Variants in ADIPOR2 observed in about 807,000 individuals in gnomAD.
ADIPOR2 encodes adiponectin receptor protein 2.
Under a neutral mutation model 40.9 loss-of-function variants are expected in ADIPOR2, and 18 were observed. The observed-to-expected ratio is 0.44, with a 90% CI of 0.30 to 0.65. The LOEUF (loss-of-function observed/expected upper bound fraction) is 0.65. ADIPOR2 is among the 30% of genes least tolerant of loss of function. The pLI is 0.09. For synonymous variants in ADIPOR2, 165 were observed against 166.4 expected (o/e 0.99, Z 0.06); for missense variants, 283 against 479.2 (o/e 0.59, Z 3.82).
At chr12:1,724,047 T>A (rs1321667646) in intron 1 of ADIPOR2, among the ~76,000 whole-genome samples, 1 of 151,912 alleles carries the variant, frequency 6.6e-6, no homozygotes, top group African/African-American at 2.4e-5. Context: ...AATGGTGTGA[T>A]CTTGGCTCAC....
At chr12:1,777,527 C>T (rs1862623305) in intron 3 of ADIPOR2, among the ~76,000 whole-genome samples, 1 of 151,848 alleles carries the variant, frequency 6.6e-6, no homozygotes, top group East Asian at 1.9e-4. Flanking sequence ...GGTGGGATTA[C>T]AGGCATGTGC....
At chr12:1,704,628 T>C (rs1233664484) in intron 1 of ADIPOR2, among the ~76,000 whole-genome samples, 5 of 152,190 alleles carry the variant, frequency 3.3e-5, no homozygotes, top group African/African-American at 7.2e-5. Context: ...ATACTAACGT[T>C]TGAGACTTTT....
chr12:1,760,096 CAAAT>C (rs146369718), intron 2 of ADIPOR2, among the ~76,000 whole-genome samples: 21,729 of 151,766 alleles, frequency 0.14, 1,666 homozygotes, highest in African/African-American at 0.2. Flanking sequence ...TTAAGGAAAA[CAAAT>C]AAACAAAACC....
intron 1 of ADIPOR2, among the ~76,000 whole-genome samples, chr12:1,754,010 C>G (rs925668486): frequency 6.6e-6 from 1 of 152,102 alleles, no homozygotes; most frequent in Non-Finnish European, 1.5e-5. Flanking sequence ...AACATATGCA[C>G]TTACATATAC....
At chr12:1,742,720 G>A (rs1002985477) in intron 1 of ADIPOR2, among the ~76,000 whole-genome samples, 5 of 152,150 alleles carry the variant, frequency 3.3e-5, no homozygotes, top group Non-Finnish European at 7.4e-5. Flanking sequence ...CCTGTAAATA[G>A]TTACTATACT....
At chr12:1,750,563 G>C (rs1053840845) in intron 1 of ADIPOR2, among the ~76,000 whole-genome samples, 1 of 152,082 alleles carries the variant, frequency 6.6e-6, no homozygotes, top group Admixed American at 6.5e-5. Flanking sequence ...GTGAGACCCT[G>C]TGTCTCTAGA....
chr12:1,759,085 G>C (rs1862212296), intron 2 of ADIPOR2, among the ~76,000 whole-genome samples: 1 of 7,872 alleles, frequency 1.3e-4, no homozygotes, highest in Non-Finnish European at 2.9e-3. Context: ...TCCCTGAGTT[G>C]TTTATATTGA....
At chr12:1,769,643 C>A (rs1047256743) in intron 2 of ADIPOR2, among the ~76,000 whole-genome samples, 1 of 151,300 alleles carries the variant, frequency 6.6e-6, no homozygotes, top group Non-Finnish European at 1.5e-5. Context: ...TGGGTTCAAG[C>A]GATTCTCCTG....
chr12:1,712,560 G>C lies in ADIPOR2; in HGVS notation c.-87+21369G>C, dbSNP rs577988927. 2.6e-5 allele frequency among the ~76,000 whole-genome samples: 4 copies of C among 152,210 alleles called. No homozygotes were observed. The South Asian group carries it at 8.3e-4, about 32-fold the overall frequency. On this transcript the variant is annotated intron_variant, in intron 1 of 7. Transcript: ENST00000357103. ...CAAGAGCTATTCCTGCTCTCTCTCT[G>C]ACGTATAAAGAGAAGTTTTGTCTTG...
chr12:1,745,296 T>G (rs1592605887), intron 1 of ADIPOR2, among the ~76,000 whole-genome samples: 1 of 152,344 alleles, frequency 6.6e-6, no homozygotes, highest in East Asian at 1.9e-4. Context: ...CCTGTTAAAA[T>G]TTTTCAAAGA....
intron 1 of ADIPOR2, among the ~76,000 whole-genome samples, chr12:1,724,085 G>A (rs1470461526): frequency 3.3e-5 from 5 of 151,866 alleles, no homozygotes; most frequent in Non-Finnish European, 4.4e-5. Flanking sequence ...GGGTTCAAGC[G>A]ATTCTCCTGC....
At chr12:1,775,720 A>AT (rs1400428082) in intron 3 of ADIPOR2, among the ~76,000 whole-genome samples, 1 of 152,218 alleles carries the variant, frequency 6.6e-6, no homozygotes, top group African/African-American at 2.4e-5. Flanking sequence ...AATCTCAACA[A>AT]TAGTGGTCTT....
chr12:1,740,694 T>C (rs1018028674), intron 1 of ADIPOR2, among the ~76,000 whole-genome samples: 2 of 152,272 alleles, frequency 1.3e-5, no homozygotes, highest in African/African-American at 2.4e-5. Flanking sequence ...GGGTGTGTAC[T>C]GTGTGACAGA....
intron 1 of ADIPOR2, among the ~76,000 whole-genome samples, chr12:1,700,728 A>G (rs1021025172): frequency 2.0e-5 from 3 of 151,514 alleles, no homozygotes; most frequent in African/African-American, 4.9e-5. Context: ...CTCTTCACAG[A>G]TTTCTAAGAA....
At chr12:1,694,471 T>C (rs530290408) in intron 1 of ADIPOR2, among the ~76,000 whole-genome samples, 7 of 152,236 alleles carry the variant, frequency 4.6e-5, no homozygotes, top group Non-Finnish European at 1.0e-4. Context: ...CTAGATTACT[T>C]ATAATACCTA....
intron 1 of ADIPOR2, among the ~76,000 whole-genome samples, chr12:1,701,490 T>A (rs1319253738): frequency 6.6e-6 from 1 of 152,202 alleles, no homozygotes; most frequent in Non-Finnish European, 1.5e-5. Flanking sequence ...ATAGTATTGC[T>A]TTGCATATTT....
chr12:1,698,385 C>T (rs1174741595), intron 1 of ADIPOR2, among the ~76,000 whole-genome samples: 1 of 152,102 alleles, frequency 6.6e-6, no homozygotes. Flanking sequence ...GCACGCCAGG[C>T]TAATTTTTGC....
At chr12:1,693,592 G>GGT (rs2094631944) in intron 1 of ADIPOR2, among the ~76,000 whole-genome samples, 1 of 151,070 alleles carries the variant, frequency 6.6e-6, no homozygotes, top group Admixed American at 6.6e-5. Context: ...GGAGTGCAAT[G>GGT]GCACGATCTT....
At chr12:1,766,975 A>G (rs1049257937) in intron 2 of ADIPOR2, among the ~76,000 whole-genome samples, 10 of 152,238 alleles carry the variant, frequency 6.6e-5, no homozygotes, top group African/African-American at 2.2e-4. Context: ...TAAGAAATTC[A>G]ATTAAGATTA....
Sources: allele counts gnomAD v4.1 joint callset (sites outside exome capture counted in the v4.1 genomes callset), GRCh38; gene constraint gnomAD v4.1.1; transcripts MANE v1.5; gene names NCBI Gene and HGNC (gene_info 2026-07-23, HGNC 2026-07-21).